The following PPP6R3 variants were observed in gnomAD, a reference collection of about 807,000 sequenced individuals.
PPP6R3 encodes the protein protein phosphatase 6 regulatory subunit 3.
PPP6R3 carries 38 observed loss-of-function variants against 110.7 expected under a neutral mutation model. The observed-to-expected ratio is 0.34, with a 90% confidence interval of 0.26 to 0.45. The LOEUF (loss-of-function observed/expected upper bound fraction) is 0.45. PPP6R3 is among the 20% of genes least tolerant of loss of function. PPP6R3 has a pLI of 1.00. For synonymous variants in PPP6R3, 369 were observed against 373.5 expected (o/e 0.99, Z 0.14); for missense variants, 870 against 1,062.4 (o/e 0.82, Z 2.52).
At chr11:68,542,005 T>C (rs2099318117) in intron 3 of PPP6R3, among the ~76,000 whole-genome samples, 1 of 151,926 alleles carries the variant, frequency 6.6e-6, no homozygotes, top group African/African-American at 2.4e-5. Flanking sequence ...AAGTGGTAGG[T>C]CGAGGCAGAT....
At chr11:68,472,803 C>A (rs2098801592) in intron 1 of PPP6R3, among the ~76,000 whole-genome samples, 1 of 152,156 alleles carries the variant, frequency 6.6e-6, no homozygotes, top group South Asian at 2.1e-4. Context: ...ACCCATTGGA[C>A]TATTCTGGAC....
chr11:68,606,393 C>T (rs1185488791), intron 22 of PPP6R3, among the ~76,000 whole-genome samples: 2 of 151,812 alleles, frequency 1.3e-5, no homozygotes, highest in Non-Finnish European at 2.9e-5. Flanking sequence ...GTCTCCTGGG[C>T]TTAAGCCATC....
intron 15 of PPP6R3, chr11:68,587,004 C>G (rs2099580680): frequency 6.6e-6 from 1 of 152,266 alleles, no homozygotes. Flanking sequence ...GTATGCAGCT[C>G]TGGTCACTGT....
At position 68,490,567 on chromosome 11, in the gene PPP6R3, A is replaced by C. The variant is rs144079615; in HGVS notation, c.-157-28934A>C. 4.8e-3 allele frequency among the ~76,000 whole-genome samples: 723 copies of C among 151,746 alleles called. 2 individuals carry two copies. Among genetic ancestry groups the C allele is most frequent in the Non-Finnish European group, 8.9e-3 (602 of 67,942 alleles). ...ATTGCTTCTTTCCTCTTTTTTCCAG[A>C]TATTACCATCACATATGTTATACCT... On this transcript the variant is annotated intron_variant, in intron 1 of 23. Coordinates refer to ENST00000393800, the MANE Select transcript of PPP6R3 (RefSeq NM_001164161.2).
intron 2 of PPP6R3, among the ~76,000 whole-genome samples, chr11:68,532,818 G>A (rs939085872): frequency 3.3e-5 from 5 of 152,204 alleles, no homozygotes; most frequent in Non-Finnish European, 7.3e-5. Flanking sequence ...GTAACATGCT[G>A]TGCAGGTTTG....
At position 68,554,165 on chromosome 11, in the gene PPP6R3, A is replaced by C; in HGVS notation, c.639A>C (p.Gln213His). ...TTTAGCGACATTCAAATGCATCACA[A>C]TCACTTTGTGAAATTGTTCGCCTGA... is the stretch of plus-strand genomic sequence containing the variant. ...QEEDRHSNAS[Q>H]SLCEIVRLSR... The change falls in exon 7 of 24, where the codon CAA (glutamine) becomes CAC (histidine). Residue 213 changes from glutamine to histidine, a missense_variant. Gln to His is a conservative substitution (Grantham distance 24). Coordinates refer to ENST00000393800, the MANE Select transcript of PPP6R3 (RefSeq NM_001164161.2). The C allele has an allele frequency of 6.2e-7, 1 of 1,613,086 alleles. No homozygotes were observed. Among genetic ancestry groups the C allele is most frequent in the Non-Finnish European group, 8.5e-7 (1 of 1,179,536 alleles).
At chr11:68,551,659 T>C (rs1340095507) in intron 6 of PPP6R3, among the ~76,000 whole-genome samples, 1 of 152,164 alleles carries the variant, frequency 6.6e-6, no homozygotes, top group African/African-American at 2.4e-5. Flanking sequence ...GGCTAATTTT[T>C]GTATTGTTAG....
intron 1 of PPP6R3, among the ~76,000 whole-genome samples, chr11:68,468,736 A>G (rs886447737): frequency 6.6e-6 from 1 of 152,232 alleles, no homozygotes; most frequent in Non-Finnish European, 1.5e-5. Context: ...AGTATGTTAT[A>G]TATGTTTTAA....
intron 1 of PPP6R3, chr11:68,505,223 A>T (rs2099069489): frequency 6.6e-6 from 1 of 152,230 alleles, no homozygotes; most frequent in African/African-American, 2.4e-5. Context: ...GAGGGGTCAT[A>T]TAATACCCTT....
At chr11:68,484,450 T>C (rs915861307) in intron 1 of PPP6R3, among the ~76,000 whole-genome samples, 1 of 152,134 alleles carries the variant, frequency 6.6e-6, no homozygotes, top group African/African-American at 2.4e-5. Flanking sequence ...AGTTCCCTAA[T>C]GATGTATGAT....
chr11:68,513,402 G>T (rs2099120495), intron 1 of PPP6R3, among the ~76,000 whole-genome samples: 1 of 152,142 alleles, frequency 6.6e-6, no homozygotes, highest in Admixed American at 6.5e-5. Flanking sequence ...GCTGTGATAA[G>T]TGTATGAGGC....
At chr11:68,566,722 ATT>A (rs1306190287) in intron 9 of PPP6R3, among the ~76,000 whole-genome samples, 2 of 152,150 alleles carry the variant, frequency 1.3e-5, no homozygotes. Flanking sequence ...TTCCTAGGAT[ATT>A]CTGTAGCCTT....
intron 8 of PPP6R3, 22 bp downstream of exon 8, chr11:68,558,701 C>T: frequency 6.6e-7 from 1 of 1,519,048 alleles, no homozygotes; most frequent in Middle Eastern, 1.7e-4. Flanking sequence ...TTATATCTTA[C>T]AAAATGAACC....
At chr11:68,527,375 C>G (rs1021714567) in intron 2 of PPP6R3, among the ~76,000 whole-genome samples, 1 of 152,308 alleles carries the variant, frequency 6.6e-6, no homozygotes, top group Non-Finnish European at 1.5e-5. Flanking sequence ...TCTGCTCTTG[C>G]AGACTCCAGT....
At chr11:68,494,035 G>T (rs2099000269) in intron 1 of PPP6R3, among the ~76,000 whole-genome samples, 1 of 151,176 alleles carries the variant, frequency 6.6e-6, no homozygotes, top group Non-Finnish European at 1.5e-5. Context: ...CCCGGGAGGA[G>T]GAGCTTGCAG....
intron 1 of PPP6R3, among the ~76,000 whole-genome samples, chr11:68,502,415 G>T (rs2099053399): frequency 6.6e-6 from 1 of 152,078 alleles, no homozygotes; most frequent in African/African-American, 2.4e-5. Flanking sequence ...GCATATATCA[G>T]AATTATTATC....
At chr11:68,603,221 T>G in intron 21 of PPP6R3, 121 bp from the exon 22 acceptor site, 1 of 1,294,088 alleles carries the variant, frequency 7.7e-7, no homozygotes, top group South Asian at 1.5e-5. Context: ...GCAGAAGCCA[T>G]CTCACTCTTT....
rs557204148 is a variant in PPP6R3, at chr11:68,583,976, G to T, written c.1632+847G>T. 3.3e-5 allele frequency among the ~76,000 whole-genome samples: 5 copies of T among 152,170 alleles called. No homozygotes were observed. In the East Asian group the frequency reaches 9.7e-4, roughly 29 times the overall value. ...GATGAAGCTTCACATGCTTATGCTGGCCCTGTCTTTTGGCTTGTAAGTCTT... is the reference window on the plus strand; with the variant it reads ...GATGAAGCTTCACATGCTTATGCTGTCCCTGTCTTTTGGCTTGTAAGTCTT... On this transcript the variant is annotated intron_variant, in intron 15 of 23. Transcript: ENST00000393800.
At chr11:68,612,333 A>AAAT (rs1204746892) in intron 23 of PPP6R3, among the ~76,000 whole-genome samples, 1 of 152,208 alleles carries the variant, frequency 6.6e-6, no homozygotes, top group Non-Finnish European at 1.5e-5. Flanking sequence ...TTCTAGCTGT[A>AAAT]AATTGTGAAT....
Sources: gnomAD v4.1 joint callset for allele counts (sites outside exome capture counted in the v4.1 genomes callset) on GRCh38, gnomAD v4.1.1 for gene constraint, MANE v1.5 for transcripts, NCBI Gene and HGNC (gene_info 2026-07-23, HGNC 2026-07-21) for gene names.